The following DSG2 variants were observed in gnomAD, a reference collection of about 807,000 sequenced individuals.
DSG2 encodes desmoglein 2, also known as desmoglein-2.
Under a neutral mutation model 75.6 loss-of-function variants are expected in DSG2, and 45 were observed. The observed-to-expected ratio is 0.60, with a 90% CI of 0.47 to 0.76. The LOEUF (loss-of-function observed/expected upper bound fraction) is 0.76, where lower values mean the gene tolerates loss of function less well. Among genes scored for constraint, DSG2 ranks in the 30% least tolerant of loss-of-function variants. The pLI, the probability that DSG2 is intolerant of heterozygous loss-of-function variation, is 0.00. For missense variants in DSG2, 1,267 were observed against 1,357.4 expected, an observed-to-expected ratio of 0.93 and a Z score of 1.05; for synonymous variants, 429 against 483.9, an observed-to-expected ratio of 0.89 and a Z score of 1.49.
At chr18:31,505,039 C>T (rs1377323455) in intron 1 of DSG2, among the ~76,000 whole-genome samples, 1 of 152,106 alleles carries the variant, frequency 6.6e-6, no homozygotes, top group Non-Finnish European at 1.5e-5. Context: ...CACAGTACTG[C>T]CAAAAAATCT....
At chr18:31,541,733 A>G (rs1199733429) in intron 13 of DSG2, among the ~76,000 whole-genome samples, 2 of 152,156 alleles carry the variant, frequency 1.3e-5, no homozygotes, top group Non-Finnish European at 2.9e-5. Context: ...CAACTACATC[A>G]TAGCCATATC....
At chr18:31,529,929 C>T (rs1271571550) in intron 8 of DSG2, among the ~76,000 whole-genome samples, 1 of 151,912 alleles carries the variant, frequency 6.6e-6, no homozygotes, top group African/African-American at 2.4e-5. Context: ...AGCCCAAATG[C>T]CTAATTATAG....
At chr18:31,538,478 T>C (rs1057134503) in intron 11 of DSG2, among the ~76,000 whole-genome samples, 2 of 152,194 alleles carry the variant, frequency 1.3e-5, no homozygotes, top group Non-Finnish European at 2.9e-5. Flanking sequence ...TCCCAGTGTA[T>C]AGAACAGTTC....
chr18:31,519,682 G>A (rs2073115719), intron 2 of DSG2, 121 bp from the exon 3 acceptor site: 6 of 1,039,286 alleles, frequency 5.8e-6, no homozygotes. Flanking sequence ...AAGCCTCATA[G>A]GAAATACGAA....
At chr18:31,525,636 G>A (rs1421274605) in intron 8 of DSG2, among the ~76,000 whole-genome samples, 6 of 152,056 alleles carry the variant, frequency 3.9e-5, no homozygotes, top group Non-Finnish European at 8.8e-5. Flanking sequence ...TCATAAAACT[G>A]CATGCCAAAA....
chr18:31,546,899 A>C lies in DSG2; in HGVS notation c.*156A>C. The stretch of plus-strand genomic sequence containing the variant: ...CAGTCACTGATATGCAAAGGACCAC[A>C]CTGTCTCTGCTTCCAGGAGTATTTT... On this transcript the variant is annotated 3_prime_UTR_variant, in exon 15 of 15. Transcript: ENST00000261590. 1.3e-6 allele frequency: 1 copy of C among 767,802 alleles called. No individual in the cohort carries two copies. The highest frequency in any genetic ancestry group is 2.3e-6 in the Non-Finnish European group (1 of 438,150). The allele number at this position is 767,802 out of a possible 1,614,324, so 47.6% of individuals were successfully genotyped here.
intron 1 of DSG2, among the ~76,000 whole-genome samples, 181 bp downstream of exon 1, chr18:31,498,477 C>A (rs953548846): frequency 6.6e-6 from 1 of 152,164 alleles, no homozygotes; most frequent in Non-Finnish European, 1.5e-5. Context: ...CCTGGGGCTT[C>A]GGAAAATCCT....
At chr18:31,507,559 T>C (rs1296130716) in intron 1 of DSG2, among the ~76,000 whole-genome samples, 1 of 152,208 alleles carries the variant, frequency 6.6e-6, no homozygotes, top group Admixed American at 6.5e-5. Flanking sequence ...GTAAAAGCAT[T>C]CCTATTTCTC....
chr18:31,501,905 CAG>C (rs1306313507), intron 1 of DSG2, among the ~76,000 whole-genome samples: 2 of 152,072 alleles, frequency 1.3e-5, no homozygotes, highest in East Asian at 1.9e-4. Context: ...TCAATAATAT[CAG>C]AGTTATGCTT....
At chr18:31,543,563 A>G (rs2144355167) in intron 14 of DSG2, among the ~76,000 whole-genome samples, 1 of 152,354 alleles carries the variant, frequency 6.6e-6, no homozygotes, top group African/African-American at 2.4e-5. Context: ...AGCAGAACTG[A>G]AAATAAAAGT....
At chr18:31,504,282 T>G (rs1417960777) in intron 1 of DSG2, among the ~76,000 whole-genome samples, 2 of 152,202 alleles carry the variant, frequency 1.3e-5, no homozygotes, top group Non-Finnish European at 2.9e-5. Context: ...CCCACCACTC[T>G]TTCAAGCCCC....
chr18:31,525,351 A>C (rs1243437638), intron 8 of DSG2, among the ~76,000 whole-genome samples: 1 of 152,022 alleles, frequency 6.6e-6, no homozygotes, highest in African/African-American at 2.4e-5. Flanking sequence ...CCCCGCTTCT[A>C]CGAAAAAAAA....
chr18:31,534,023 C>G (rs575422396), intron 9 of DSG2, among the ~76,000 whole-genome samples: 2 of 130,096 alleles, frequency 1.5e-5, no homozygotes, highest in South Asian at 2.3e-4. Context: ...CTGAGTCTTG[C>G]TCTGTCACTC....
intron 11 of DSG2, among the ~76,000 whole-genome samples, chr18:31,538,277 A>C (rs1005359031): frequency 1.3e-5 from 2 of 152,218 alleles, no homozygotes; most frequent in African/African-American, 4.8e-5. Flanking sequence ...CAAAAAAAGA[A>C]GGGACTAGAG....
At chr18:31,498,332 G>C (rs372101711) in intron 1 of DSG2, 36 bp downstream of exon 1, 1 of 1,253,346 alleles carries the variant, frequency 8.0e-7, no homozygotes, top group Non-Finnish European at 1.0e-6. Flanking sequence ...AGCCACCGCC[G>C]GGGAGGGCGT....
chr18:31,518,553 T>C (rs1409924031), intron 2 of DSG2, among the ~76,000 whole-genome samples: 2 of 152,162 alleles, frequency 1.3e-5, no homozygotes, highest in Non-Finnish European at 2.9e-5. Context: ...ATAAGATATA[T>C]AGTGTAAGTC....
At chr18:31,507,812 G>C (rs1432201610) in intron 1 of DSG2, among the ~76,000 whole-genome samples, 1 of 152,144 alleles carries the variant, frequency 6.6e-6, no homozygotes, top group African/African-American at 2.4e-5. Context: ...GTTCCTTGTA[G>C]ATTCTGGATA....
chr18:31,520,669 C>A, intron 3 of DSG2, 134 bp from the exon 4 acceptor site: 1 of 961,098 alleles, frequency 1.0e-6, no homozygotes, highest in Non-Finnish European at 1.6e-6. Flanking sequence ...TACCAAAGAA[C>A]TTCAGAAGGA....
At chr18:31,523,297 A>C (rs2073140586) in intron 6 of DSG2, among the ~76,000 whole-genome samples, 1 of 152,112 alleles carries the variant, frequency 6.6e-6, no homozygotes, top group African/African-American at 2.4e-5. Flanking sequence ...GCTACTCGGG[A>C]GGCTGAGGCA....
Sources: gnomAD v4.1 joint callset for allele counts (sites outside exome capture counted in the v4.1 genomes callset) on GRCh38, gnomAD v4.1.1 for gene constraint, MANE v1.5 for transcripts, NCBI Gene and HGNC (gene_info 2026-07-23, HGNC 2026-07-21) for gene names.